Variants in TPO observed in about 807,000 individuals in gnomAD.
TPO encodes thyroid microsomal antigen.
Under a neutral mutation model 96.9 loss-of-function variants are expected in TPO, and 78 were observed. That is an observed-to-expected ratio of 0.81 (90% CI 0.67 to 0.97). The LOEUF is 0.97. TPO is among the 50% of genes least tolerant of loss of function. The probability of loss-of-function intolerance (pLI) is 0.00; values close to 1 mark genes in which losing one functional copy is unlikely to be tolerated. For missense variants in TPO, 1,252 were observed against 1,274.8 expected (o/e 0.98, Z 0.27); for synonymous variants, 547 against 538.0 (o/e 1.02, Z -0.23).
At chr2:1,539,458 C>G (rs1241816176) in intron 15 of TPO, among the ~76,000 whole-genome samples, 2 of 152,186 alleles carry the variant, frequency 1.3e-5, no homozygotes, top group Admixed American at 1.3e-4. Flanking sequence ...CCGTCACAAG[C>G]ACTGAAGCCA....
chr2:1,395,664 T>C (rs775919344), intron 1 of TPO, among the ~76,000 whole-genome samples: 1 of 152,128 alleles, frequency 6.6e-6, no homozygotes, highest in Non-Finnish European at 1.5e-5. Context: ...ATAATCCCCA[T>C]GTCAAGGGAG....
chr2:1,503,058 C>T (rs945526838), intron 13 of TPO, among the ~76,000 whole-genome samples: 3 of 152,198 alleles, frequency 2.0e-5, no homozygotes, highest in African/African-American at 7.2e-5. Flanking sequence ...AGTCGGGGAC[C>T]AAGACCCTGT....
chr2:1,522,740 G>T, intron 15 of TPO, among the ~76,000 whole-genome samples: 1 of 131,074 alleles, frequency 7.6e-6, no homozygotes, highest in East Asian at 2.3e-4. Context: ...AACCCCCACT[G>T]TATGCAAGGT....
At chr2:1,496,435 CCGTGTGTGCTG>C (rs1219575721) in intron 12 of TPO, among the ~76,000 whole-genome samples, 149 bp from the exon 13 acceptor site, 3 of 152,184 alleles carry the variant, frequency 2.0e-5, no homozygotes, top group African/African-American at 7.2e-5. Context: ...TGGGAAGAGG[CCGTGTGTGCTG>C]CGTGGGTGCT....
chr2:1,500,157 G>A (rs1046408359), intron 13 of TPO, among the ~76,000 whole-genome samples: 2 of 152,194 alleles, frequency 1.3e-5, no homozygotes, highest in African/African-American at 4.8e-5. Context: ...TGGGCCACAG[G>A]CACACACATC....
chr2:1,527,454 C>T (rs1005368564), intron 15 of TPO, among the ~76,000 whole-genome samples: 4 of 149,194 alleles, frequency 2.7e-5, no homozygotes, highest in African/African-American at 7.5e-5. Context: ...CCTCAAATAC[C>T]CCACTGTGTG....
chr2:1,477,556 G>C lies in TPO; in HGVS notation c.1290G>C (p.Ala430=). 1 of 1,536,394 alleles carries C rather than the reference G, an allele frequency of 6.5e-7. No homozygotes were observed. The highest frequency in any genetic ancestry group is 8.7e-7 in the Non-Finnish European group (1 of 1,146,850). ...ALKALNAHWS[A]DAVYQEARKV... ...AGGCCCTCAATGCGCACTGGAGCGC[G>C]GACGCCGTGTACCAGGAGGCGCGCA... Residue 430 remains alanine (A), a synonymous_variant, in exon 8 of 17, where the codon GCG becomes GCC. Coordinates refer to ENST00000329066, the MANE Select transcript of TPO (RefSeq NM_001206744.2).
chr2:1,535,008 C>A (rs186599761), intron 15 of TPO, among the ~76,000 whole-genome samples: 1 of 147,408 alleles, frequency 6.8e-6, no homozygotes, highest in African/African-American at 2.5e-5. Context: ...CCTAAATCGC[C>A]GCAAGTGTGT....
intron 7 of TPO, among the ~76,000 whole-genome samples, chr2:1,464,559 C>A (rs893181610): frequency 3.3e-5 from 5 of 152,194 alleles, no homozygotes; most frequent in African/African-American, 1.2e-4. Flanking sequence ...TCCACACCAA[C>A]ATCTATTATT....
At chr2:1,390,559 T>A (rs189614641) in intron 1 of TPO, among the ~76,000 whole-genome samples, 2 of 152,352 alleles carry the variant, frequency 1.3e-5, no homozygotes, top group Non-Finnish European at 2.9e-5. Context: ...ATGGGATTGC[T>A]GGGTCAAATG....
chr2:1,504,163 T>C (rs1451116446), intron 14 of TPO, 84 bp downstream of exon 14: 2 of 1,600,162 alleles, frequency 1.2e-6, no homozygotes, highest in African/African-American at 1.3e-5. Flanking sequence ...TAGGCAACTG[T>C]CAATCACCAT....
chr2:1,380,131 A>G (rs1417729209), intron 1 of TPO, among the ~76,000 whole-genome samples: 1 of 152,202 alleles, frequency 6.6e-6, no homozygotes, highest in Non-Finnish European at 1.5e-5. Context: ...GCGGTGGCTC[A>G]CGCCTGTAAT....
At chr2:1,377,750 G>A (rs1257474655) in intron 1 of TPO, among the ~76,000 whole-genome samples, 1 of 152,168 alleles carries the variant, frequency 6.6e-6, no homozygotes, top group Admixed American at 6.5e-5. Context: ...AGGGTGAGCT[G>A]CAGCCGCCCC....
intron 2 of TPO, among the ~76,000 whole-genome samples, chr2:1,421,600 C>G (rs1460482957): frequency 6.6e-6 from 1 of 152,162 alleles, no homozygotes; most frequent in Non-Finnish European, 1.5e-5. Flanking sequence ...CCACAGAATA[C>G]AAAATGTGAG....
intron 4 of TPO, 44 bp downstream of exon 4, chr2:1,433,651 A>C (rs1665257799): frequency 6.3e-7 from 1 of 1,595,624 alleles, no homozygotes; most frequent in Middle Eastern, 1.7e-4. Context: ...CAACTCCCGA[A>C]GGAGGACACC....
At chr2:1,404,019 T>A (rs535196842) in intron 1 of TPO, among the ~76,000 whole-genome samples, 2 of 152,316 alleles carry the variant, frequency 1.3e-5, no homozygotes, top group Admixed American at 1.3e-4. Context: ...ATATATGCAA[T>A]CTTGCGTGAA....
At chr2:1,512,884 ATTATACTGCTG>A (rs1377246283) in intron 14 of TPO, among the ~76,000 whole-genome samples, 1 of 152,178 alleles carries the variant, frequency 6.6e-6, no homozygotes, top group African/African-American at 2.4e-5. Flanking sequence ...CACCCTTATG[ATTATACTGCTG>A]CCCCTGCAAA....
At chr2:1,435,645 A>G (rs1173373414) in intron 4 of TPO, among the ~76,000 whole-genome samples, 2 of 152,236 alleles carry the variant, frequency 1.3e-5, no homozygotes, top group African/African-American at 4.8e-5. Flanking sequence ...TGAATAACAT[A>G]TAAATTATAG....
chr2:1,435,016 C>G (rs28909378), intron 4 of TPO, among the ~76,000 whole-genome samples: 129 of 152,226 alleles, frequency 8.5e-4, no homozygotes, highest in African/African-American at 3.0e-3. Flanking sequence ...TCACTGCAAG[C>G]TCCGCCTCCC....
Sources: gnomAD v4.1 joint callset for allele counts (sites outside exome capture counted in the v4.1 genomes callset) on GRCh38, gnomAD v4.1.1 for gene constraint, MANE v1.5 for transcripts, NCBI Gene and HGNC (gene_info 2026-07-23, HGNC 2026-07-21) for gene names.